CSNK1G2: variants seen among roughly 807,000 people sequenced by gnomAD.
CSNK1G2 encodes casein kinase 1 gamma 2.
A neutral mutation model predicts 48.0 loss-of-function variants in CSNK1G2; 11 were observed. That is an observed-to-expected ratio of 0.23 (90% confidence interval 0.14 to 0.38). The LOEUF (loss-of-function observed/expected upper bound fraction) is 0.38, where lower values mean the gene tolerates loss of function less well. Among genes scored for constraint, CSNK1G2 ranks in the 10% least tolerant of loss-of-function variants. The pLI, the probability that CSNK1G2 is intolerant of heterozygous loss-of-function variation, is 1.00. For missense variants in CSNK1G2, 446 were observed against 595.5 expected, an observed-to-expected ratio of 0.75 and a Z score of 2.61; for synonymous variants, 337 against 254.1, an observed-to-expected ratio of 1.33 and a Z score of -3.10.
At chr19:1,961,835 A>G (rs2015208884) in intron 1 of CSNK1G2, among the ~76,000 whole-genome samples, 1 of 152,188 alleles carries the variant, frequency 6.6e-6, no homozygotes, top group Non-Finnish European at 1.5e-5. Flanking sequence ...TCGGTAGCTC[A>G]AGAAATCCGC....
At chr19:1,953,933 G>A (rs1246293027) in intron 1 of CSNK1G2, 1 of 533,926 alleles carries the variant, frequency 1.9e-6, no homozygotes, top group South Asian at 1.4e-5. Context: ...CGGTGCAGTC[G>A]GCGCGGTGAG....
intron 1 of CSNK1G2, among the ~76,000 whole-genome samples, chr19:1,961,058 T>C (rs1471577913): frequency 1.3e-5 from 2 of 152,200 alleles, no homozygotes; most frequent in East Asian, 1.9e-4. Flanking sequence ...TTTCCTCTCC[T>C]GTGGATGCGT....
At chr19:1,960,420 C>T (rs897348618) in intron 1 of CSNK1G2, among the ~76,000 whole-genome samples, 6 of 152,196 alleles carry the variant, frequency 3.9e-5, no homozygotes, top group African/African-American at 1.2e-4. Flanking sequence ...CAGTGTGGCG[C>T]GAGCAGGCTG....
In CSNK1G2 at chr19:1,979,491, G is replaced by T; in HGVS notation, c.854-4G>T. ...CCGAGGCCCCGCTGGCGCTCTCTCT[G>T]CAGAGGAGATGGCCACGTACCTGCG... is the stretch of plus-strand genomic sequence containing the variant. On this transcript the variant is annotated splice_region_variant and splice_polypyrimidine_tract_variant and intron_variant, in intron 8 of 11. Transcript: ENST00000255641. 6.3e-7 allele frequency: 1 copy of T among 1,581,150 alleles called. No individual in the cohort carries two copies. The highest frequency in any genetic ancestry group is 8.5e-7 in the Non-Finnish European group (1 of 1,174,296).
intron 1 of CSNK1G2, among the ~76,000 whole-genome samples, chr19:1,965,332 G>A (rs1041708084): frequency 2.0e-5 from 3 of 149,806 alleles, no homozygotes; most frequent in Non-Finnish European, 4.4e-5. Context: ...GCAGTGAGCC[G>A]AGATTGTGCC....
intron 1 of CSNK1G2, chr19:1,953,939 G>C (rs757238960): frequency 1.9e-6 from 1 of 533,912 alleles, no homozygotes; most frequent in Admixed American, 1.9e-5. Flanking sequence ...AGTCGGCGCG[G>C]TGAGGTTGGC....
At position 1,980,290 on chromosome 19, in the gene CSNK1G2, C is replaced by T. The variant is rs773416042; in HGVS notation, c.*87C>T. 31 of 1,510,800 alleles carry T rather than the reference C, an allele frequency of 2.1e-5. No individual in the cohort carries two copies. Among genetic ancestry groups the T allele is most frequent in the South Asian group, 9.1e-5 (8 of 87,774 alleles). The allele number at this position is 1,510,800 out of a possible 1,614,324, so 93.6% of individuals were successfully genotyped here. A position where few individuals can be genotyped will look rare whatever the true frequency, so the allele number is the denominator to read the frequency against. On this transcript the variant is annotated 3_prime_UTR_variant, in exon 12 of 12. Coordinates refer to ENST00000255641, the MANE Select transcript of CSNK1G2 (RefSeq NM_001319.7). ...CGAGGCCCTCGGGGCCCACCCACAGCGGCCCAGGGCCAGACCCTGGCTGGA... is the reference window on the plus strand; with the variant it reads ...CGAGGCCCTCGGGGCCCACCCACAGTGGCCCAGGGCCAGACCCTGGCTGGA...
chr19:1,943,838 C>T (rs534117458), intron 1 of CSNK1G2, among the ~76,000 whole-genome samples: 5 of 152,326 alleles, frequency 3.3e-5, no homozygotes, highest in African/African-American at 1.2e-4. Flanking sequence ...TGCCCCAGGC[C>T]CCCAGGGGCT....
rs748548180 is a variant in CSNK1G2, at chr19:1,979,905, C to T, written c.1087-6C>T. 18 of 1,607,636 alleles carry T rather than the reference C, an allele frequency of 1.1e-5. No homozygotes were observed. The highest frequency in any genetic ancestry group is 1.4e-5 in the Non-Finnish European group (17 of 1,177,484). ...GGCCAGCGTGACCCCCTACTGCCCC[C>T]ACCAGGCGTTGAACTCCACCAACGG... is the stretch of plus-strand genomic sequence containing the variant. On this transcript the variant is annotated splice_region_variant and splice_polypyrimidine_tract_variant and intron_variant, in intron 10 of 11. Transcript: ENST00000255641.
In CSNK1G2 at chr19:1,979,803, C is replaced by G. The variant is rs753591033; in HGVS notation, c.1054C>G (p.Arg352Gly). 1 of 1,607,208 alleles carries G rather than the reference C, an allele frequency of 6.2e-7. No individual in the cohort carries two copies. The highest frequency in any genetic ancestry group is 8.5e-7 in the Non-Finnish European group (1 of 1,178,274). The change falls in exon 10 of 12, where the codon CGG becomes GGG. Residue 352 changes from arginine (R) to glycine (G), a missense_variant. By Grantham distance (125) the Arg-to-Gly change is moderately radical. Coordinates refer to ENST00000255641, the MANE Select transcript of CSNK1G2 (RefSeq NM_001319.7). ...HTDLPSQPQLRDKTQPHSKNQ... is the reference protein window; with the variant it reads ...HTDLPSQPQLGDKTQPHSKNQ... The stretch of plus-strand genomic sequence containing the variant: ...CGACCTGCCCTCCCAGCCTCAGCTC[C>G]GGGACAAAACCCAGCCGCACAGCAA...
rs1228486545 is a variant in CSNK1G2 at position 1,980,022 on chromosome 19, G to A, written c.1193+5G>A. The A allele has an allele frequency of 1.3e-6, 2 of 1,576,398 alleles. No homozygotes were observed. The highest frequency in any genetic ancestry group is 2.2e-5 in the East Asian group (1 of 44,476). ...GGAGGTGGCCGATGAAACCAAGTAA[G>A]GCTCTGGGGCGGTGCCTTCGGGGAG... On this transcript the variant is annotated splice_donor_5th_base_variant and intron_variant, in intron 11 of 11. Transcript: ENST00000255641.
At chr19:1,971,888 G>A (rs2015585524) in intron 2 of CSNK1G2, among the ~76,000 whole-genome samples, 1 of 150,736 alleles carries the variant, frequency 6.6e-6, no homozygotes. Context: ...TCCTGCCTCA[G>A]CCTCCCGAGT....
intron 1 of CSNK1G2, among the ~76,000 whole-genome samples, chr19:1,946,588 G>A (rs2014572973): frequency 7.1e-6 from 1 of 140,158 alleles, no homozygotes; most frequent in Non-Finnish European, 1.5e-5. Flanking sequence ...ACCGCGCCCG[G>A]CTATTTATTT....
intron 1 of CSNK1G2, chr19:1,953,695 G>T (rs1264899784): frequency 2.6e-6 from 1 of 383,422 alleles, no homozygotes. Flanking sequence ...TGTGGGACGG[G>T]GTCCCTGCAC....
intron 2 of CSNK1G2, among the ~76,000 whole-genome samples, chr19:1,971,046 T>G (rs142124435): frequency 6.6e-6 from 1 of 152,192 alleles, no homozygotes; most frequent in African/African-American, 2.4e-5. Flanking sequence ...AGGCATGTTT[T>G]GTGGCCCTGC....
At chr19:1,943,959 C>T (rs555068247) in intron 1 of CSNK1G2, among the ~76,000 whole-genome samples, 2 of 152,100 alleles carry the variant, frequency 1.3e-5, no homozygotes, top group Non-Finnish European at 2.9e-5. Flanking sequence ...GCAGGGGCTG[C>T]GGGCCTCGGG....
Position 1,978,562 on chromosome 19 carries a change from G to A in CSNK1G2, c.299-40G>A. 6.4e-7 allele frequency: 1 copy of A among 1,570,830 alleles called. No individual in the cohort carries two copies. The highest frequency in any genetic ancestry group is 8.6e-7 in the Non-Finnish European group (1 of 1,158,776). ...GGGGGCTGCGCAGGGGCAGGGAGGG[G>A]GCTGCCGCCGCACGCCCGTGCGTCT... is the stretch of plus-strand genomic sequence containing the variant. On this transcript the variant is annotated intron_variant, in intron 4 of 11. Coordinates refer to ENST00000255641, the MANE Select transcript of CSNK1G2 (RefSeq NM_001319.7). The surrounding 1 kb of genome is among the most constrained non-coding windows in gnomAD (Gnocchi z 7.3).
intron 2 of CSNK1G2, among the ~76,000 whole-genome samples, chr19:1,971,342 C>T (rs1386793574): frequency 6.6e-6 from 1 of 152,210 alleles, no homozygotes; most frequent in Non-Finnish European, 1.5e-5. Flanking sequence ...TGCGCAGAGG[C>T]TGGGCTTGGG....
intron 2 of CSNK1G2, among the ~76,000 whole-genome samples, chr19:1,973,190 G>GATTACAGGCGAT (rs2015634243): frequency 3.3e-5 from 5 of 150,944 alleles, no homozygotes; most frequent in African/African-American, 1.2e-4. Flanking sequence ...GCCTCCCAAA[G>GATTACAGGCGAT]TGCTGGGATT....
Sources: gnomAD v4.1 joint callset for allele counts (sites outside exome capture counted in the v4.1 genomes callset) on GRCh38, gnomAD v4.1.1 for gene constraint, Gnocchi (gnomAD v3.1) non-coding constraint, MANE v1.5 for transcripts, NCBI Gene and HGNC (gene_info 2026-07-23, HGNC 2026-07-21) for gene names.